Variants in ZFAND1 observed in about 807,000 individuals in gnomAD.
ZFAND1 encodes zinc finger AN1-type containing 1, also known as AN1-type zinc finger protein 1.
Under a neutral mutation model 38.5 loss-of-function variants are expected in ZFAND1, and 40 were observed. The ratio of observed to expected loss-of-function variants is 1.04; its 90% confidence interval spans 0.81 to 1.35. The LOEUF is 1.35. Ranked by LOEUF, ZFAND1 falls within the 40% of genes most tolerant of loss-of-function variation. ZFAND1 has a pLI of 0.00. For missense variants in ZFAND1, 346 were observed against 316.3 expected (o/e 1.09, Z -0.71); for synonymous variants, 117 against 103.6 (o/e 1.13, Z -0.78).
chr8:81,715,826 G>A (rs1438930066), intron 3 of ZFAND1, among the ~76,000 whole-genome samples: 1 of 152,080 alleles, frequency 6.6e-6, no homozygotes, highest in African/African-American at 2.4e-5. Context: ...TTTTGAACTT[G>A]TTGCAATGGC....
chr8:81,718,172 C>T lies in ZFAND1; in HGVS notation c.98+10G>A. The T allele has an allele frequency of 6.3e-7, 1 of 1,575,410 alleles. No individual in the cohort carries two copies. The highest frequency in any genetic ancestry group is 8.6e-7 in the Non-Finnish European group (1 of 1,161,140). On this transcript the variant is annotated intron_variant, in intron 2 of 7. Transcript: ENST00000220669. Reference sequence around the variant, plus strand: ...ATTACTCCCAAATCCTGCATAAAAACTTAACTTACCAAAATATTCCTGAAC... The same window carrying T: ...ATTACTCCCAAATCCTGCATAAAAATTTAACTTACCAAAATATTCCTGAAC...
intron 6 of ZFAND1, among the ~76,000 whole-genome samples, chr8:81,706,478 T>C (rs543390813): frequency 2.7e-5 from 4 of 150,700 alleles, no homozygotes; most frequent in South Asian, 4.2e-4. Flanking sequence ...GAGAGTCAAC[T>C]GGATAAAGCC....
chr8:81,713,221 C>T (rs1808193169), intron 6 of ZFAND1, among the ~76,000 whole-genome samples: 1 of 152,152 alleles, frequency 6.6e-6, no homozygotes, highest in South Asian at 2.1e-4. Context: ...CTCCCAGGTT[C>T]ATGCCATTCT....
At chr8:81,707,521 C>G (rs1808016880) in intron 6 of ZFAND1, among the ~76,000 whole-genome samples, 1 of 152,160 alleles carries the variant, frequency 6.6e-6, no homozygotes, top group Non-Finnish European at 1.5e-5. Context: ...TATTCACAAC[C>G]TTGCCCCATT....
chr8:81,712,472 A>G (rs986943101), intron 6 of ZFAND1, among the ~76,000 whole-genome samples: 3 of 152,156 alleles, frequency 2.0e-5, no homozygotes, highest in Non-Finnish European at 4.4e-5. Flanking sequence ...AGATATGACT[A>G]CACAGAAAAT....
intron 1 of ZFAND1, among the ~76,000 whole-genome samples, chr8:81,720,588 A>T (rs1376668899): frequency 6.6e-6 from 1 of 152,194 alleles, no homozygotes; most frequent in Non-Finnish European, 1.5e-5. Flanking sequence ...TCTTCCGGAC[A>T]CACATCCACG....
chr8:81,714,613 A>G (rs961936924), intron 5 of ZFAND1, 191 bp downstream of exon 5: 1 of 560,474 alleles, frequency 1.8e-6, no homozygotes, highest in African/African-American at 1.9e-5. Flanking sequence ...GAGTACCTCC[A>G]AATAATTTCC....
At chr8:81,714,668 A>G in intron 5 of ZFAND1, 136 bp downstream of exon 5, 1 of 758,376 alleles carries the variant, frequency 1.3e-6, no homozygotes, top group Non-Finnish European at 2.1e-6. Context: ...TACTGTCACA[A>G]GAATATCATC....
intron 1 of ZFAND1, 87 bp downstream of exon 1, chr8:81,721,140 C>T: frequency 6.7e-7 from 1 of 1,503,226 alleles, no homozygotes; most frequent in Non-Finnish European, 9.0e-7. Context: ...TTGTGGCCTC[C>T]CTTCACCCGC....
At chr8:81,710,186 T>G (rs929033968) in intron 6 of ZFAND1, among the ~76,000 whole-genome samples, 2 of 152,196 alleles carry the variant, frequency 1.3e-5, no homozygotes, top group African/African-American at 2.4e-5. Flanking sequence ...CTCCAGACAT[T>G]GCTGAATGTC....
chr8:81,706,566 T>G (rs7007207), intron 6 of ZFAND1, among the ~76,000 whole-genome samples: 1 of 151,646 alleles, frequency 6.6e-6, no homozygotes, highest in Non-Finnish European at 1.5e-5. Flanking sequence ...TAATTATATA[T>G]GTTAAGAATG....
In ZFAND1 at chr8:81,717,285, A is replaced by G. The variant is rs377504923; in HGVS notation, c.102T>C (p.Leu34=). The G allele has an allele frequency of 7.8e-6, 12 of 1,530,738 alleles. No individual in the cohort carries two copies. Among genetic ancestry groups the G allele is most frequent in the Non-Finnish European group, 8.7e-6 (10 of 1,149,266 alleles). 94.8% of individuals were successfully genotyped at this position (1,530,738 alleles called of 1,614,324 possible). ...CATGAGACTCCCTGCTTCTGTGTTCAAGGCTTAAATAATAATAGCAAGTGT... is the reference window on the plus strand; with the variant it reads ...CATGAGACTCCCTGCTTCTGTGTTCGAGGCTTAAATAATAATAGCAAGTGT... ...VCDDCSGIFC[L]EHRSRESHGC... Residue 34 remains leucine (L), a synonymous_variant, in exon 3 of 8, where the codon CTT becomes CTC. Transcript: ENST00000220669.
intron 3 of ZFAND1, among the ~76,000 whole-genome samples, chr8:81,715,791 C>T (rs901638564): frequency 2.0e-5 from 3 of 152,046 alleles, no homozygotes; most frequent in Admixed American, 6.5e-5. Context: ...ATAGTTACAC[C>T]TTGTTGGAAT....
chr8:81,709,492 A>T (rs1208366099), intron 6 of ZFAND1, among the ~76,000 whole-genome samples: 1 of 152,110 alleles, frequency 6.6e-6, no homozygotes, highest in Non-Finnish European at 1.5e-5. Context: ...AAATAATGAC[A>T]GAAAAATATT....
chr8:81,718,792 A>T (rs1808386530), intron 1 of ZFAND1, among the ~76,000 whole-genome samples: 1 of 150,938 alleles, frequency 6.6e-6, no homozygotes, highest in Non-Finnish European at 1.5e-5. Context: ...TATAAGATTT[A>T]TGGTATTTCA....
rs187447803 is a variant in ZFAND1, at chr8:81,701,805, G to A, written c.*890C>T. On this transcript the variant is annotated 3_prime_UTR_variant, in exon 8 of 8. Coordinates refer to ENST00000220669, the MANE Select transcript of ZFAND1 (RefSeq NM_024699.3). The stretch of plus-strand genomic sequence containing the variant: ...CAATTAGAACAGAAAACAAAAAAAG[G>A]ACAAATAGAAATACTTTCCATTCTG... 2 of 152,190 alleles carry A rather than the reference G, an allele frequency of 1.3e-5. No individual in the cohort carries two copies. The highest frequency in any genetic ancestry group is 3.9e-4 in the East Asian group (2 of 5,190). The allele number at this position is 152,190 out of a possible 1,614,324, so 9.4% of individuals were successfully genotyped here.
chr8:81,714,087 A>G, intron 5 of ZFAND1, 48 bp from the exon 6 acceptor site: 1 of 1,506,990 alleles, frequency 6.6e-7, no homozygotes, highest in Non-Finnish European at 8.9e-7. Flanking sequence ...CATTACAAAT[A>G]GAATTTTATT....
chr8:81,720,975 G>T (rs367889136), intron 1 of ZFAND1: 2 of 517,110 alleles, frequency 3.9e-6, no homozygotes, highest in African/African-American at 4.1e-5. Flanking sequence ...CTCCCACCCC[G>T]CTCCTCAGGC....
intron 6 of ZFAND1, among the ~76,000 whole-genome samples, chr8:81,703,612 G>T (rs6999658): frequency 0.026 from 3,884 of 152,134 alleles, 161 homozygotes; most frequent in African/African-American, 0.09. Flanking sequence ...TACTAGAGAC[G>T]GGCTTTCACC....
Sources: allele counts gnomAD v4.1 joint callset (sites outside exome capture counted in the v4.1 genomes callset), GRCh38; gene constraint gnomAD v4.1.1; transcripts MANE v1.5; gene names NCBI Gene and HGNC (gene_info 2026-07-23, HGNC 2026-07-21).